COL22A1: variants seen among roughly 807,000 people sequenced by gnomAD.
COL22A1 encodes the protein collagen alpha-1(XXII) chain.
In COL22A1, 221 loss-of-function variants were observed where a neutral mutation model predicts 248.9. That is an observed-to-expected ratio of 0.89 (90% CI 0.80 to 0.99). The LOEUF (loss-of-function observed/expected upper bound fraction) is 0.99, where lower values mean the gene tolerates loss of function less well. Ranked by LOEUF, COL22A1 falls within the 50% of genes least tolerant of loss-of-function variation. The probability of loss-of-function intolerance (pLI) is 0.00; values close to 1 mark genes in which losing one functional copy is unlikely to be tolerated. For synonymous variants in COL22A1, 891 were observed against 793.4 expected, an observed-to-expected ratio of 1.12 and a Z score of -2.07; for missense variants, 2,240 against 2,179.0, an observed-to-expected ratio of 1.03 and a Z score of -0.56.
chr8:138,746,260 G>C (rs1441126287), intron 22 of COL22A1, among the ~76,000 whole-genome samples: 1 of 152,192 alleles, frequency 6.6e-6, no homozygotes, highest in Non-Finnish European at 1.5e-5. Context: ...GCTGTCAGCC[G>C]TCAGCCTCGT....
At chr8:138,827,099 G>T (rs886503349) in intron 5 of COL22A1, 1 of 331,920 alleles carries the variant, frequency 3.0e-6, no homozygotes, top group Non-Finnish European at 5.8e-6. Flanking sequence ...TCACGCCCCC[G>T]GGATCAAATA....
At chr8:138,829,764 A>G (rs1027207921) in intron 5 of COL22A1, among the ~76,000 whole-genome samples, 2 of 152,050 alleles carry the variant, frequency 1.3e-5, no homozygotes, top group African/African-American at 2.4e-5. Flanking sequence ...TTCTTAATGA[A>G]TCCAATTATG....
chr8:138,720,632 C>T, intron 27 of COL22A1, 107 bp downstream of exon 27: 1 of 921,416 alleles, frequency 1.1e-6, no homozygotes, highest in Non-Finnish European at 1.8e-6. Flanking sequence ...CTGCCAGGTC[C>T]CAGCTGATAT....
At chr8:138,771,853 G>A (rs1228210398) in intron 16 of COL22A1, among the ~76,000 whole-genome samples, 4 of 152,150 alleles carry the variant, frequency 2.6e-5, no homozygotes, top group Admixed American at 1.3e-4. Flanking sequence ...CGGGGCCTGC[G>A]GAGAGCTCTT....
At chr8:138,755,108 G>A (rs1832887189) in intron 21 of COL22A1, 49 bp downstream of exon 21, 2 of 1,583,908 alleles carry the variant, frequency 1.3e-6, no homozygotes, top group African/African-American at 1.4e-5. Flanking sequence ...AAACCCATTG[G>A]TAAGAGAAGC....
At chr8:138,686,808 C>T (rs1826394728) in intron 37 of COL22A1, among the ~76,000 whole-genome samples, 1 of 152,192 alleles carries the variant, frequency 6.6e-6, no homozygotes, top group Admixed American at 6.5e-5. Flanking sequence ...TATAATGTGC[C>T]GTCCTTCAGA....
intron 41 of COL22A1, among the ~76,000 whole-genome samples, chr8:138,668,492 T>C (rs1010399188): frequency 6.6e-6 from 1 of 152,164 alleles, no homozygotes; most frequent in African/African-American, 2.4e-5. Context: ...TTCTGACAAC[T>C]ATAGTAAAGT....
intron 1 of COL22A1, among the ~76,000 whole-genome samples, chr8:138,885,604 G>A (rs1301177115): frequency 6.6e-6 from 1 of 151,702 alleles, no homozygotes; most frequent in Non-Finnish European, 1.5e-5. Flanking sequence ...TTTTTCTGAT[G>A]GAGTTTCACT....
intron 43 of COL22A1, among the ~76,000 whole-genome samples, chr8:138,661,018 G>A (rs199635327): frequency 1.5e-3 from 77 of 50,722 alleles, no homozygotes; most frequent in African/African-American, 4.8e-3. Context: ...ACACACACAC[G>A]CACATACACA....
chr8:138,589,079 G>T lies in COL22A1; in HGVS notation c.*174C>A. On this transcript the variant is annotated 3_prime_UTR_variant, in exon 65 of 65. Coordinates refer to ENST00000303045, the MANE Select transcript of COL22A1 (RefSeq NM_152888.3). The stretch of plus-strand genomic sequence containing the variant: ...ATAATCTGACCGACCGGCAGCGTCT[G>T]TTGGATTTAATAATTTTGAGGTCTC... The T allele has an allele frequency of 1.6e-6, 1 of 617,760 alleles. No homozygotes were observed. Among genetic ancestry groups the T allele is most frequent in the Non-Finnish European group, 2.9e-6 (1 of 350,304 alleles). The allele number at this position is 617,760 out of a possible 1,614,324, so 38.3% of individuals were successfully genotyped here. A position where few individuals can be genotyped will look rare whatever the true frequency, so the allele number is the denominator to read the frequency against.
At chr8:138,602,011 G>T in intron 60 of COL22A1, 104 bp downstream of exon 60, 1 of 1,147,892 alleles carries the variant, frequency 8.7e-7, no homozygotes, top group Admixed American at 1.7e-5. Context: ...TGATCCAGGC[G>T]GGTGTTTACT....
intron 12 of COL22A1, among the ~76,000 whole-genome samples, chr8:138,783,075 T>G (rs1371630433): frequency 1.3e-5 from 2 of 151,964 alleles, no homozygotes; most frequent in African/African-American, 4.8e-5. Context: ...AGTAACTTCA[T>G]GTGGGTGGGG....
intron 3 of COL22A1, among the ~76,000 whole-genome samples, chr8:138,866,384 A>G (rs1292028890): frequency 1.3e-5 from 2 of 152,162 alleles, no homozygotes; most frequent in Non-Finnish European, 2.9e-5. Flanking sequence ...ACATTTATAT[A>G]GAGACATATA....
intron 23 of COL22A1, among the ~76,000 whole-genome samples, chr8:138,732,816 T>A (rs1196361913): frequency 1.3e-5 from 2 of 152,220 alleles, no homozygotes; most frequent in East Asian, 3.8e-4. Context: ...GTTACAATGA[T>A]GATGCATGAA....
chr8:138,647,665 A>G (rs1399032476), intron 46 of COL22A1, among the ~76,000 whole-genome samples: 1 of 152,112 alleles, frequency 6.6e-6, no homozygotes, highest in Non-Finnish European at 1.5e-5. Flanking sequence ...CTTGACTCTG[A>G]GAAAGGACTA....
chr8:138,903,156 G>T (rs560890476), intron 1 of COL22A1, among the ~76,000 whole-genome samples: 1 of 152,270 alleles, frequency 6.6e-6, no homozygotes, highest in South Asian at 2.1e-4. Flanking sequence ...AGGGACATGT[G>T]TCTACTCAGT....
At chr8:138,748,852 A>G (rs1195256374) in intron 22 of COL22A1, among the ~76,000 whole-genome samples, 1 of 152,178 alleles carries the variant, frequency 6.6e-6, no homozygotes, top group Non-Finnish European at 1.5e-5. Flanking sequence ...AAGAAGTTGT[A>G]TCTAAGAAGG....
chr8:138,804,214 C>G (rs945543174), intron 10 of COL22A1, among the ~76,000 whole-genome samples: 1 of 152,200 alleles, frequency 6.6e-6, no homozygotes, highest in Admixed American at 6.5e-5. Flanking sequence ...TGGACAGAGC[C>G]CGAGCTCTGT....
chr8:138,807,777 A>G lies in COL22A1; in HGVS notation c.1485T>C (p.Pro495=). Residue 495 remains proline, a synonymous_variant, in exon 10 of 65, where the codon CCT becomes CCC. Coordinates refer to ENST00000303045, the MANE Select transcript of COL22A1 (RefSeq NM_152888.3). ...CCATGCCTGTACTGACCTTTGGACC[A>G]GGGAGCCCCATGGGGCCAGCAACTC... ...EMGVAGPMGL[P]GPKGDIGAIG... 3 of 1,614,084 alleles carry G rather than the reference A, an allele frequency of 1.9e-6. No individual in the cohort carries two copies. Among genetic ancestry groups the G allele is most frequent in the Non-Finnish European group, 1.7e-6 (2 of 1,179,944 alleles).
Sources: allele counts gnomAD v4.1 joint callset (sites outside exome capture counted in the v4.1 genomes callset), GRCh38; gene constraint gnomAD v4.1.1; transcripts MANE v1.5; gene names NCBI Gene and HGNC (gene_info 2026-07-23, HGNC 2026-07-21).